OPCML: variants seen among roughly 807,000 people sequenced by gnomAD.
OPCML encodes opioid-binding protein/cell adhesion molecule.
A neutral mutation model predicts 37.8 loss-of-function variants in OPCML; 13 were observed. That is an observed-to-expected ratio of 0.34 (90% confidence interval 0.22 to 0.55). The LOEUF (loss-of-function observed/expected upper bound fraction) is 0.55. OPCML is among the 20% of genes least tolerant of loss of function. The pLI is 0.91. For missense variants in OPCML, 341 were observed against 435.6 expected, an observed-to-expected ratio of 0.78 and a Z score of 1.93; for synonymous variants, 176 against 168.8, an observed-to-expected ratio of 1.04 and a Z score of -0.33.
At chr11:132,583,784 TTG>T (rs2096466851) in intron 3 of OPCML, among the ~76,000 whole-genome samples, 1 of 151,990 alleles carries the variant, frequency 6.6e-6, no homozygotes, top group Non-Finnish European at 1.5e-5. Flanking sequence ...CAGCTAATTT[TTG>T]TGTTTTTAGT....
At chr11:133,226,877 G>C (rs1311623751) in intron 1 of OPCML, among the ~76,000 whole-genome samples, 1 of 152,084 alleles carries the variant, frequency 6.6e-6, no homozygotes, top group Non-Finnish European at 1.5e-5. Flanking sequence ...AGCACCCTGA[G>C]AGAGAGTCCC....
intron 1 of OPCML, among the ~76,000 whole-genome samples, chr11:133,511,712 T>TC (rs1948164181): frequency 6.6e-6 from 1 of 151,256 alleles, no homozygotes; most frequent in African/African-American, 2.5e-5. Flanking sequence ...TTTTTTTTTT[T>TC]GCTTTTTTCC....
At chr11:133,394,863 G>C (rs1267194577) in intron 1 of OPCML, among the ~76,000 whole-genome samples, 1 of 152,130 alleles carries the variant, frequency 6.6e-6, no homozygotes, top group Non-Finnish European at 1.5e-5. Context: ...TTGATGTACC[G>C]ATTTCCTTTC....
At chr11:133,510,424 C>T (rs1312578752) in intron 1 of OPCML, among the ~76,000 whole-genome samples, 1 of 152,214 alleles carries the variant, frequency 6.6e-6, no homozygotes, top group Non-Finnish European at 1.5e-5. Flanking sequence ...CAAGCCTTCT[C>T]ATTTGTGATT....
At chr11:133,054,877 G>T (rs1422133818) in intron 1 of OPCML, among the ~76,000 whole-genome samples, 3 of 151,684 alleles carry the variant, frequency 2.0e-5, no homozygotes, top group Non-Finnish European at 2.9e-5. Flanking sequence ...CTGCCTCCAT[G>T]ATACTTCCAA....
At chr11:133,284,963 G>A (rs1471827510) in intron 1 of OPCML, among the ~76,000 whole-genome samples, 1 of 152,098 alleles carries the variant, frequency 6.6e-6, no homozygotes, top group Non-Finnish European at 1.5e-5. Context: ...CAGTGGGGGT[G>A]GGGTGAGGGG....
intron 1 of OPCML, among the ~76,000 whole-genome samples, chr11:133,524,945 T>C (rs1047666233): frequency 2.6e-5 from 4 of 152,244 alleles, no homozygotes; most frequent in Non-Finnish European, 5.9e-5. Context: ...TGTTTATTTA[T>C]TCATTCATTC....
At chr11:133,474,158 AT>A (rs1291058167) in intron 1 of OPCML, among the ~76,000 whole-genome samples, 2 of 152,204 alleles carry the variant, frequency 1.3e-5, no homozygotes, top group Non-Finnish European at 2.9e-5. Flanking sequence ...TATATTCTTA[AT>A]GTAAACATGA....
At chr11:133,128,241 T>G (rs746105106) in intron 1 of OPCML, among the ~76,000 whole-genome samples, 14 of 152,110 alleles carry the variant, frequency 9.2e-5, no homozygotes, top group Non-Finnish European at 1.9e-4. Flanking sequence ...CGTCCCCTCA[T>G]GCCCAAGGGA....
intron 1 of OPCML, among the ~76,000 whole-genome samples, chr11:133,018,427 C>G (rs983524735): frequency 6.6e-6 from 1 of 151,806 alleles, no homozygotes; most frequent in Non-Finnish European, 1.5e-5. Context: ...TTTTCTTTTC[C>G]CCTTTTGAAA....
At chr11:133,068,419 C>G (rs974622471) in intron 1 of OPCML, among the ~76,000 whole-genome samples, 3 of 152,208 alleles carry the variant, frequency 2.0e-5, no homozygotes, top group African/African-American at 7.2e-5. Flanking sequence ...AAGGGGAAGG[C>G]CTGCTCTCAG....
At chr11:132,789,029 G>A (rs1384009518) in intron 2 of OPCML, among the ~76,000 whole-genome samples, 2 of 150,742 alleles carry the variant, frequency 1.3e-5, no homozygotes, top group East Asian at 1.9e-4. Flanking sequence ...AGCCATGTCG[G>A]CTTCATTCAT....
intron 1 of OPCML, among the ~76,000 whole-genome samples, chr11:133,254,040 C>G (rs1344555518): frequency 6.6e-6 from 1 of 152,006 alleles, no homozygotes; most frequent in Non-Finnish European, 1.5e-5. Context: ...CAAAGACATG[C>G]AATTAGTCAA....
chr11:133,433,285 T>A (rs1374231284), intron 1 of OPCML, among the ~76,000 whole-genome samples: 3 of 149,434 alleles, frequency 2.0e-5, no homozygotes, highest in African/African-American at 7.7e-5. Flanking sequence ...ACTGATGGAT[T>A]TTAATGTTCT....
At chr11:132,803,952 C>T (rs1043583767) in intron 2 of OPCML, among the ~76,000 whole-genome samples, 2 of 152,218 alleles carry the variant, frequency 1.3e-5, no homozygotes, top group African/African-American at 2.4e-5. Context: ...TAAGAAGAAA[C>T]GTTATTATTC....
At chr11:132,782,209 C>T (rs777466497) in intron 2 of OPCML, among the ~76,000 whole-genome samples, 3 of 151,708 alleles carry the variant, frequency 2.0e-5, no homozygotes, top group Non-Finnish European at 2.9e-5. Context: ...GGAGAGGAAG[C>T]GAACGCACCG....
At chr11:132,844,465 G>C (rs939468830) in intron 2 of OPCML, among the ~76,000 whole-genome samples, 4 of 152,058 alleles carry the variant, frequency 2.6e-5, no homozygotes, top group African/African-American at 9.7e-5. Context: ...TATTATGTAG[G>C]GAATGACAGG....
At chr11:132,923,938 T>C (rs979449906) in intron 2 of OPCML, among the ~76,000 whole-genome samples, 8 of 151,740 alleles carry the variant, frequency 5.3e-5, no homozygotes, top group African/African-American at 9.7e-5. Context: ...TAATTTTGTA[T>C]CTTTAGGAGA....
intron 3 of OPCML, among the ~76,000 whole-genome samples, chr11:132,548,918 G>A (rs80010256): frequency 1.7e-3 from 263 of 152,226 alleles, no homozygotes; most frequent in African/African-American, 6.2e-3. Context: ...TATACAAAGA[G>A]ACAATATTAT....
Sources: gnomAD v4.1 joint callset for allele counts (sites outside exome capture counted in the v4.1 genomes callset) on GRCh38, gnomAD v4.1.1 for gene constraint, MANE v1.5 for transcripts, NCBI Gene and HGNC (gene_info 2026-07-23, HGNC 2026-07-21) for gene names.